Variants in RYR1 observed in about 807,000 individuals in gnomAD.
RYR1 encodes the protein ryanodine receptor 1.
In RYR1, 342 loss-of-function variants were observed where a neutral mutation model predicts 583.5. That is an observed-to-expected ratio of 0.59 (90% CI 0.54 to 0.64). RYR1 has a LOEUF of 0.64. RYR1 is among the 30% of genes least tolerant of loss of function. The pLI, the probability that RYR1 is intolerant of heterozygous loss-of-function variation, is 0.00. For missense variants in RYR1, 6,032 were observed against 6,917.2 expected (o/e 0.87, Z 4.54); for synonymous variants, 2,791 against 2,822.5 (o/e 0.99, Z 0.35).
At chr19:38,554,270 G>A (rs548092440) in intron 89 of RYR1, among the ~76,000 whole-genome samples, 8 of 148,600 alleles carry the variant, frequency 5.4e-5, no homozygotes, top group African/African-American at 7.5e-5. Context: ...TGACCAACAC[G>A]GTGAAACCCC....
chr19:38,490,743 G>A lies in RYR1; in HGVS notation c.6127+11G>A. On this transcript the variant is annotated intron_variant, in intron 37 of 105. Transcript: ENST00000359596. Reference sequence around the variant, plus strand: ...TGCTGGCACACTGTGGTAAGGAGTGGGGATCAGAGAGTCCTCCCCATGCTA... The same window carrying A: ...TGCTGGCACACTGTGGTAAGGAGTGAGGATCAGAGAGTCCTCCCCATGCTA... 1 of 1,568,028 alleles carries A rather than the reference G, an allele frequency of 6.4e-7. No individual in the cohort carries two copies. The highest frequency in any genetic ancestry group is 8.8e-7 in the Non-Finnish European group (1 of 1,137,764).
intron 87 of RYR1, among the ~76,000 whole-genome samples, chr19:38,544,130 G>A (rs996491229): frequency 6.6e-6 from 1 of 152,110 alleles, no homozygotes; most frequent in East Asian, 1.9e-4. Context: ...TGTTGGCCCC[G>A]TCCCAATGGC....
rs1345201599 is a variant in RYR1, at chr19:38,469,061, T to C, written c.3477T>C (p.Ile1159=). 1.9e-6 allele frequency: 3 copies of C among 1,614,152 alleles called. No individual in the cohort carries two copies. The highest frequency in any genetic ancestry group is 2.5e-6 in the Non-Finnish European group (3 of 1,180,032). ...TGATCGACCTCACAGAGAACACCATTATCTTCACCCTCAATGGCGAGGTCC... is the reference window on the plus strand; with the variant it reads ...TGATCGACCTCACAGAGAACACCATCATCTTCACCCTCAATGGCGAGGTCC... ...GCMIDLTENT[I]IFTLNGEVLM... is the part of the protein sequence containing the mutation. Residue 1159 remains isoleucine (I), a synonymous_variant, in exon 26 of 106, where the codon ATT becomes ATC. Coordinates refer to ENST00000359596, the MANE Select transcript of RYR1 (RefSeq NM_000540.3).
chr19:38,550,014 C>A (rs1972600423), intron 89 of RYR1, among the ~76,000 whole-genome samples: 1 of 151,536 alleles, frequency 6.6e-6, no homozygotes, highest in Admixed American at 6.6e-5. Flanking sequence ...CCTCGGCCTC[C>A]CAAAGTGCTG....
rs112541479 is a variant in RYR1 at position 38,527,521 on chromosome 19, A to G, written c.10687-126A>G. ...CGAGGCTCCGTCTCAAAACAAAAAG[A>G]TGAAGAAGAAGAAAGGCCTCAACAT... is the stretch of plus-strand genomic sequence containing the variant. On this transcript the variant is annotated intron_variant, in intron 72 of 105. Transcript: ENST00000359596. 0.042 allele frequency: 53,589 copies of G among 1,276,552 alleles called. 1,438 individuals carry two copies. The highest frequency in any genetic ancestry group is 0.071 in the Middle Eastern group (373 of 5,222). 79.1% of individuals were successfully genotyped at this position (1,276,552 alleles called of 1,614,324 possible). A position where few individuals can be genotyped will look rare whatever the true frequency, so the allele number is the denominator to read the frequency against.
At chr19:38,519,634 C>A (rs182789205) in intron 67 of RYR1, among the ~76,000 whole-genome samples, 180 bp downstream of exon 67, 6 of 152,286 alleles carry the variant, frequency 3.9e-5, no homozygotes, top group Admixed American at 1.3e-4. Flanking sequence ...CGACAGCCAG[C>A]CCACTTGTTT....
At chr19:38,578,559 G>A (rs376967099) in intron 99 of RYR1, among the ~76,000 whole-genome samples, 26 of 152,164 alleles carry the variant, frequency 1.7e-4, no homozygotes, top group East Asian at 9.6e-4. Flanking sequence ...GGGGCTGGGC[G>A]TGCTGGCTTA....
In RYR1 at chr19:38,543,897, A is replaced by G; in HGVS notation, c.12012+22A>G. ...TCAGGTTCGAGCCCCTCTGGTCTCC[A>G]TCCACCTGCTTCCGGGCGTCCCCCA... On this transcript the variant is annotated intron_variant, in intron 87 of 105. Transcript: ENST00000359596. The surrounding 1 kb of genome is among the most constrained non-coding windows in gnomAD (Gnocchi z 4.4). 1 of 1,608,258 alleles carries G rather than the reference A, an allele frequency of 6.2e-7. No individual in the cohort carries two copies. Among genetic ancestry groups the G allele is most frequent in the Non-Finnish European group, 8.5e-7 (1 of 1,177,362 alleles).
chr19:38,460,457 C>G lies in RYR1; in HGVS notation c.2443C>G (p.Leu815Val). 6.2e-7 allele frequency: 1 copy of G among 1,614,252 alleles called. No individual in the cohort carries two copies. Residue 815 changes from leucine (L) to valine (V), a missense_variant, in exon 20 of 106, where the codon CTC becomes GTC. Physicochemically the swap from Leu to Val is conservative, Grantham distance 32. This residue lies in a region of RYR1 where 2,627 missense variants were observed against 2,961.3 expected (regional missense o/e 0.89). Transcript: ENST00000359596. ...PGYAPCHEAV[L>V]PRERLHLEPI... ...CTATGCTCCATGCCATGAGGCTGTG[C>G]TCCCTCGAGAGCGACTCCATCTTGA...
chr19:38,455,697 G>GAATC lies in RYR1; in HGVS notation c.1739_1742dup (p.His581GlnfsTer30), dbSNP rs193922771. ...CAGAGGTTCTGAACATCATCCAGGA[G>GAATC]AATCACATCAAGTCCATCATCTCCC... On this transcript the variant is annotated frameshift_variant, in exon 16 of 106. Transcript: ENST00000359596. LOFTEE classifies it high-confidence loss of function. The GAATC allele has an allele frequency of 6.2e-7, 1 of 1,613,998 alleles. No homozygotes were observed. Among genetic ancestry groups the GAATC allele is most frequent in the Non-Finnish European group, 8.5e-7 (1 of 1,179,974 alleles).
chr19:38,480,907 T>C (rs1320280831), intron 31 of RYR1, among the ~76,000 whole-genome samples: 1 of 152,034 alleles, frequency 6.6e-6, no homozygotes, highest in African/African-American at 2.4e-5. Flanking sequence ...TTTGTATTTT[T>C]AGTAGAGACG....
chr19:38,563,055 T>C (rs1973225650), intron 90 of RYR1, among the ~76,000 whole-genome samples: 1 of 152,158 alleles, frequency 6.6e-6, no homozygotes, highest in Non-Finnish European at 1.5e-5. Flanking sequence ...CACTCATTCT[T>C]TGCACGTGCT....
chr19:38,502,525 G>A lies in RYR1; in HGVS notation c.7633G>A (p.Glu2545Lys), dbSNP rs752762748. Residue 2545 changes from glutamate (E) to lysine (K), a missense_variant, in exon 48 of 106, where the codon GAG becomes AAG. Transcript: ENST00000359596. ...SLDTATFSTT[E>K]MALALNRYLC... is the part of the protein sequence containing the mutation. ...GCCCTAGGCCACTTTCAGCACCACC[G>A]AGATGGCGCTGGCGCTGAACCGCTA... 3.1e-6 allele frequency: 5 copies of A among 1,608,574 alleles called. No homozygotes were observed. The highest frequency in any genetic ancestry group is 4.2e-6 in the Non-Finnish European group (5 of 1,179,694).
chr19:38,500,787 A>G lies in RYR1; in HGVS notation c.7445-34A>G. On this transcript the variant is annotated intron_variant, in intron 46 of 105. Transcript: ENST00000359596. This position sits in a 1 kb window ranked among gnomAD's most constrained non-coding sequence, Gnocchi z 5.9. The stretch of plus-strand genomic sequence containing the variant: ...CTGGGGAGGGAGCGGCTGGGTCCGC[A>G]GGGCATCCCCGAACCCACCCTCCCT... The G allele has an allele frequency of 1.2e-6, 2 of 1,613,940 alleles. No individual in the cohort carries two copies. Among genetic ancestry groups the G allele is most frequent in the Non-Finnish European group, 1.7e-6 (2 of 1,179,986 alleles).
rs1973388711 is a variant in RYR1 at position 38,565,738 on chromosome 19, C to T, written c.13404C>T (p.Pro4468=). ...GDTTPAEPPT[P]EGSPILKRKL... ...CGACGCCTGCGGAACCGCCCACACC[C>T]GAGGGCTCTCCCATCCTCAAGAGGA... The change falls in exon 91 of 106, where the codon CCC becomes CCT. Residue 4468 remains proline, a synonymous_variant. Coordinates refer to ENST00000359596, the MANE Select transcript of RYR1 (RefSeq NM_000540.3). This position sits in a 1 kb window ranked among gnomAD's most constrained non-coding sequence, Gnocchi z 4.7. 3.5e-6 allele frequency: 5 copies of T among 1,426,814 alleles called. No homozygotes were observed. The highest frequency in any genetic ancestry group is 2.5e-4 in the Middle Eastern group (1 of 4,042). The allele number at this position is 1,426,814 out of a possible 1,614,324, so 88.4% of individuals were successfully genotyped here.
At chr19:38,574,719 A>G (rs1016358080) in intron 96 of RYR1, among the ~76,000 whole-genome samples, 5 of 151,956 alleles carry the variant, frequency 3.3e-5, no homozygotes, top group African/African-American at 7.2e-5. Context: ...TTCATAATCA[A>G]TCATCGCTCC....
rs1351197363 is a variant in RYR1, at chr19:38,584,350, C to T, written c.14647-593C>T. Among the ~76,000 whole-genome samples the T allele has an allele frequency of 3.1e-5, 4 of 127,794 alleles. No homozygotes were observed. The East Asian group carries it at 7.7e-4, about 25-fold the overall frequency. The allele number at this position is 127,794 out of a possible 152,430, so 83.8% of individuals were successfully genotyped here. ...CTCCGTCTGTGCCCCCCATCCATCC[C>T]GGCCCTGACCCCTCTGCCTGTGCCC... On this transcript the variant is annotated intron_variant, in intron 101 of 105. Coordinates refer to ENST00000359596, the MANE Select transcript of RYR1 (RefSeq NM_000540.3).
rs193922777 is a variant in RYR1, at chr19:38,483,357, C to T, written c.4775C>T (p.Pro1592Leu). ...AAGAACCCGGCCCCGCAGTGCCCAC[C>T]GCGGCTGGAGATGCAGATGCTGATG... ...ERKNPAPQCP[P>L]RLEMQMLMPV... is the part of the protein sequence containing the mutation. Residue 1592 changes from proline to leucine, a missense_variant, in exon 33 of 106, where the codon CCG becomes CTG. Physicochemically the swap from Pro to Leu is moderately conservative, Grantham distance 98. Around this residue, in one of 11 missense-constraint regions of RYR1, gnomAD observed 2,627 missense variants for 2,961.3 expected, o/e 0.89. Coordinates refer to ENST00000359596, the MANE Select transcript of RYR1 (RefSeq NM_000540.3). The surrounding 1 kb of genome is among the most constrained non-coding windows in gnomAD (Gnocchi z 6.3). The T allele has an allele frequency of 6.4e-6, 10 of 1,561,426 alleles. No individual in the cohort carries two copies. The highest frequency in any genetic ancestry group is 1.4e-5 in the African/African-American group (1 of 73,730).
At chr19:38,510,813 C>T (rs770676152) in intron 60 of RYR1, 32 bp downstream of exon 60, 1 of 1,613,644 alleles carries the variant, frequency 6.2e-7, no homozygotes. Flanking sequence ...ACCCAGCCCC[C>T]TGACCTCACA....
Sources: allele counts gnomAD v4.1 joint callset (sites outside exome capture counted in the v4.1 genomes callset), GRCh38; gene constraint gnomAD v4.1.1; regional missense constraint gnomAD v4.1.1; non-coding constraint Gnocchi (gnomAD v3.1); transcripts MANE v1.5; gene names NCBI Gene and HGNC (gene_info 2026-07-23, HGNC 2026-07-21).